The following SAMD12 variants were observed in gnomAD, a reference collection of about 807,000 sequenced individuals.
The protein encoded by SAMD12 is sterile alpha motif domain containing 12.
A neutral mutation model predicts 15.0 loss-of-function variants in SAMD12; 9 were observed. The observed-to-expected ratio is 0.60, with a 90% CI of 0.36 to 1.05. The LOEUF is 1.05. Among genes scored for constraint, SAMD12 ranks in the 50% least tolerant of loss-of-function variants. The pLI is 0.01. For missense variants in SAMD12, 230 were observed against 234.2 expected (o/e 0.98, Z 0.12); for synonymous variants, 86 against 90.1 (o/e 0.96, Z 0.25).
chr8:118,460,533 G>A (rs1823385126), intron 2 of SAMD12, among the ~76,000 whole-genome samples: 1 of 152,150 alleles, frequency 6.6e-6, no homozygotes, highest in Non-Finnish European at 1.5e-5. Context: ...GTCTGCACAA[G>A]TGAATGTGAA....
At chr8:118,215,087 C>G (rs1811924866) in intron 4 of SAMD12, among the ~76,000 whole-genome samples, 1 of 152,122 alleles carries the variant, frequency 6.6e-6, no homozygotes, top group Non-Finnish European at 1.5e-5. Flanking sequence ...CTTTATAAAT[C>G]AAGTTAAGGA....
chr8:118,159,061 C>A, the SAMD12 span, among the ~76,000 whole-genome samples: 1 of 151,988 alleles, frequency 6.6e-6, no homozygotes, highest in Non-Finnish European at 1.5e-5. Flanking sequence ...CTGAAACATG[C>A]CCTTTTCCCC....
chr8:118,218,454 C>A (rs1002192054), intron 4 of SAMD12, among the ~76,000 whole-genome samples: 1 of 152,064 alleles, frequency 6.6e-6, no homozygotes, highest in Non-Finnish European at 1.5e-5. Flanking sequence ...ACTATAATCA[C>A]CATGCTGTGC....
rs1205817661 is a variant in SAMD12, at chr8:118,305,023, C to G, written c.433+74537G>C. 5.3e-5 allele frequency among the ~76,000 whole-genome samples: 8 copies of G among 149,884 alleles called. No individual in the cohort carries two copies. In the South Asian group the frequency reaches 1.7e-3, roughly 32 times the overall value. ...AATTAGACAGGTGTGGTGGTGGGCG[C>G]CCATAATCCCAGCTACTCGGGAGGC... On this transcript the variant is annotated intron_variant, in intron 4 of 4. Coordinates refer to the SAMD12 transcript ENST00000409003.
chr8:118,617,543 G>A (rs555263743), intron 1 of SAMD12, among the ~76,000 whole-genome samples: 42 of 152,316 alleles, frequency 2.8e-4, no homozygotes, highest in African/African-American at 8.9e-4. Flanking sequence ...CTTGGGGAGA[G>A]AGGTGAGTGC....
At chr8:118,607,632 T>TC (rs911970060) in intron 1 of SAMD12, among the ~76,000 whole-genome samples, 1 of 152,170 alleles carries the variant, frequency 6.6e-6, no homozygotes, top group Non-Finnish European at 1.5e-5. Flanking sequence ...GCTTTCTGAG[T>TC]CCCTTTTTTT....
chr8:118,348,496 C>T (rs146124213), intron 4 of SAMD12, among the ~76,000 whole-genome samples: 2 of 152,168 alleles, frequency 1.3e-5, no homozygotes, highest in African/African-American at 2.4e-5. Context: ...CTCAGCCTCC[C>T]GAGTAGCTGG....
intron 4 of SAMD12, among the ~76,000 whole-genome samples, chr8:118,334,594 G>A (rs989970006): frequency 2.0e-5 from 3 of 151,852 alleles, no homozygotes; most frequent in South Asian, 2.1e-4. Context: ...ATTTGGAATC[G>A]GCCTTTCTCT....
intron 2 of SAMD12, among the ~76,000 whole-genome samples, chr8:118,556,596 G>A (rs1409856059): frequency 6.6e-6 from 1 of 152,194 alleles, no homozygotes; most frequent in African/African-American, 2.4e-5. Flanking sequence ...TCTAATAAGT[G>A]TGATGGTGCT....
chr8:118,282,460 G>T, intron 4 of SAMD12: 1 of 399,714 alleles, frequency 2.5e-6, no homozygotes, highest in East Asian at 7.6e-5. Flanking sequence ...CCTACCTTCT[G>T]GTCTCCTGTA....
At chr8:118,442,947 G>A (rs7831534) in intron 2 of SAMD12, among the ~76,000 whole-genome samples, 3,659 of 152,270 alleles carry the variant, frequency 0.024, 130 homozygotes, top group African/African-American at 0.083. Context: ...CTCAGCCTCA[G>A]CTGGGCTTCA....
intron 2 of SAMD12, among the ~76,000 whole-genome samples, chr8:118,490,063 T>C (rs149588787): frequency 1.6e-3 from 244 of 152,304 alleles, no homozygotes; most frequent in African/African-American, 4.2e-3. Context: ...AAGGTCTTTA[T>C]TGAGTAAAAT....
intron 4 of SAMD12, chr8:118,197,880 G>A: frequency 1.3e-6 from 1 of 763,354 alleles, no homozygotes; most frequent in Admixed American, 2.2e-5. Context: ...CTCAATGCCA[G>A]GATGGATTTA....
At chr8:118,613,816 G>C (rs146482110) in intron 1 of SAMD12, among the ~76,000 whole-genome samples, 1 of 152,256 alleles carries the variant, frequency 6.6e-6, no homozygotes, top group South Asian at 2.1e-4. Context: ...GTATGGATGG[G>C]TGATGATCAG....
intron 1 of SAMD12, among the ~76,000 whole-genome samples, chr8:118,600,542 A>G (rs1827834518): frequency 6.6e-6 from 1 of 152,206 alleles, no homozygotes; most frequent in Non-Finnish European, 1.5e-5. Flanking sequence ...ACAAGATCAT[A>G]ATTTCTAATT....
At chr8:118,415,553 T>C (rs1176851181) in intron 3 of SAMD12, among the ~76,000 whole-genome samples, 1 of 151,766 alleles carries the variant, frequency 6.6e-6, no homozygotes, top group Non-Finnish European at 1.5e-5. Flanking sequence ...AAGATACTTC[T>C]TGACAAAAGC....
chr8:118,207,075 C>T (rs979058946), intron 4 of SAMD12, among the ~76,000 whole-genome samples: 1 of 152,182 alleles, frequency 6.6e-6, no homozygotes, highest in Non-Finnish European at 1.5e-5. Flanking sequence ...ATATTGTTCT[C>T]TAATGAGAAT....
chr8:118,621,743 A>G, intron 1 of SAMD12, 61 bp downstream of exon 1: 4 of 1,586,020 alleles, frequency 2.5e-6, no homozygotes, highest in Non-Finnish European at 3.5e-6. Context: ...TTCATCGGGG[A>G]TGTGTGCCTT....
chr8:118,145,068 T>C, the SAMD12 span, among the ~76,000 whole-genome samples: 9 of 152,250 alleles, frequency 5.9e-5, no homozygotes, highest in Non-Finnish European at 1.3e-4. Context: ...CTTTTAATGC[T>C]TTTGGATTTT....
Sources: allele counts gnomAD v4.1 joint callset (sites outside exome capture counted in the v4.1 genomes callset), GRCh38; gene constraint gnomAD v4.1.1; transcripts MANE v1.5; gene names NCBI Gene and HGNC (gene_info 2026-07-23, HGNC 2026-07-21).